CBR4: variants seen among roughly 807,000 people sequenced by gnomAD.
CBR4 encodes the protein 3-oxoacyl-[acyl-carrier-protein] reductase.
CBR4 carries 22 observed loss-of-function variants against 21.0 expected under a neutral mutation model. The ratio of observed to expected loss-of-function variants is 1.05; its 90% CI spans 0.75 to 1.50. CBR4 has a LOEUF of 1.50. Ranked by LOEUF, CBR4 falls within the 40% of genes most tolerant of loss-of-function variation. The probability of loss-of-function intolerance (pLI) is 0.00; values close to 1 mark genes in which losing one functional copy is unlikely to be tolerated. For synonymous variants in CBR4, 100 were observed against 104.4 expected (o/e 0.96, Z 0.26); for missense variants, 302 against 286.3 (o/e 1.05, Z -0.40).
Position 168,987,623 on chromosome 4 carries a change from T to C in CBR4, c.*2527A>G. ...CATTAAATACTTTATTTAAGAACAG[T>C]TTGTTTACCAAGTTAGGACAGTGGT... is the stretch of plus-strand genomic sequence containing the variant. On this transcript the variant is annotated 3_prime_UTR_variant, in exon 5 of 5. Transcript: ENST00000306193. The C allele has an allele frequency of 1.1e-6, 1 of 941,030 alleles. No homozygotes were observed. The highest frequency in any genetic ancestry group is 6.2e-5 in the Admixed American group (1 of 16,222). The allele number at this position is 941,030 out of a possible 1,614,324, so 58.3% of individuals were successfully genotyped here. A position where few individuals can be genotyped will look rare whatever the true frequency, so the allele number is the denominator to read the frequency against.
In CBR4 at chr4:168,989,606, A is replaced by C; in HGVS notation, c.*544T>G. ...TAATCAGTGTCCTCTAAATACTCTT[A>C]TTTTGGCAACAGCCCACAAGGTTAA... On this transcript the variant is annotated 3_prime_UTR_variant, in exon 5 of 5. Transcript: ENST00000306193. 1 of 985,324 alleles carries C rather than the reference A, an allele frequency of 1.0e-6. No individual in the cohort carries two copies. Among genetic ancestry groups the C allele is most frequent in the Non-Finnish European group, 1.2e-6 (1 of 829,808 alleles). 61.0% of individuals were successfully genotyped at this position (985,324 alleles called of 1,614,324 possible). A position where few individuals can be genotyped will look rare whatever the true frequency, so the allele number is the denominator to read the frequency against.
chr4:168,932,152 A>C (rs947674423), intron 2 of CBR4, among the ~76,000 whole-genome samples: 1 of 152,184 alleles, frequency 6.6e-6, no homozygotes, highest in Non-Finnish European at 1.5e-5. Flanking sequence ...ATCTTAAGGA[A>C]GCTCAGTGAG....
chr4:168,988,207 C>A lies in CBR4; in HGVS notation c.*1943G>T. 1 of 985,350 alleles carries A rather than the reference C, an allele frequency of 1.0e-6. No individual in the cohort carries two copies. The highest frequency in any genetic ancestry group is 1.7e-5 in the African/African-American group (1 of 57,332). The allele number at this position is 985,350 out of a possible 1,614,324, so 61.0% of individuals were successfully genotyped here. A position where few individuals can be genotyped will look rare whatever the true frequency, so the allele number is the denominator to read the frequency against. On this transcript the variant is annotated 3_prime_UTR_variant, in exon 5 of 5. Coordinates refer to ENST00000306193, the MANE Select transcript of CBR4 (RefSeq NM_032783.5). ...GTGGGCGGATTCACCTGGAGTGGAGCAGTGAAGGTTTATTTTACCTCTTTC... is the reference window on the plus strand; with the variant it reads ...GTGGGCGGATTCACCTGGAGTGGAGAAGTGAAGGTTTATTTTACCTCTTTC...
intron 2 of CBR4, among the ~76,000 whole-genome samples, chr4:168,974,520 T>C (rs1488850329): frequency 6.6e-6 from 1 of 152,164 alleles, no homozygotes; most frequent in African/African-American, 2.4e-5. Flanking sequence ...CTTTTAGATT[T>C]CTCTTATTCC....
intron 2 of CBR4, among the ~76,000 whole-genome samples, chr4:168,949,951 A>G (rs1763494626): frequency 6.6e-6 from 1 of 152,032 alleles, no homozygotes; most frequent in Non-Finnish European, 1.5e-5. Context: ...CCGTGTTGTC[A>G]GTTGTAATAT....
intron 2 of CBR4, chr4:168,896,613 C>G (rs1236061507): frequency 7.1e-7 from 1 of 1,415,208 alleles, no homozygotes; most frequent in Non-Finnish European, 9.6e-7. Flanking sequence ...AAGCTTTTCA[C>G]CTTTCTTCTC....
chr4:168,966,787 G>A (rs1764050779), intron 2 of CBR4, among the ~76,000 whole-genome samples: 1 of 152,162 alleles, frequency 6.6e-6, no homozygotes, highest in Non-Finnish European at 1.5e-5. Flanking sequence ...GGGAGGCCGA[G>A]GCGGGCGGAT....
At chr4:168,926,986 A>C (rs1762652851) in intron 2 of CBR4, 1 of 219,664 alleles carries the variant, frequency 4.6e-6, no homozygotes, top group Non-Finnish European at 9.2e-6. Flanking sequence ...CAAGGTTAAT[A>C]CCTTAGTTCT....
In CBR4 at chr4:168,962,491, A is replaced by G. The variant is rs188541204; in HGVS notation, n.169+39580T>C. Among the ~76,000 whole-genome samples, 11 of 152,342 alleles carry G rather than the reference A, an allele frequency of 7.2e-5. No homozygotes were observed. The East Asian group carries it at 2.1e-3, about 29-fold the overall frequency. ...TGGAAGAGAAGAAAGACTTGAGGATAATACTCAGGTCTCTGGCTTGATCCA... is the reference window on the plus strand; with the variant it reads ...TGGAAGAGAAGAAAGACTTGAGGATGATACTCAGGTCTCTGGCTTGATCCA... On this transcript the variant is annotated intron_variant and non_coding_transcript_variant, in intron 2 of 3. Transcript: ENST00000509108.
intron 2 of CBR4, among the ~76,000 whole-genome samples, chr4:168,957,799 G>A (rs749021091): frequency 6.6e-6 from 1 of 152,120 alleles, no homozygotes; most frequent in Non-Finnish European, 1.5e-5. Context: ...CCCACATGTC[G>A]TGGAAGGGAC....
intron 2 of CBR4, among the ~76,000 whole-genome samples, chr4:168,907,849 A>AG (rs1279759240): frequency 2.0e-5 from 3 of 152,154 alleles, no homozygotes; most frequent in Non-Finnish European, 4.4e-5. Flanking sequence ...AGAAAAAAAA[A>AG]AGATTCAAAG....
intron 2 of CBR4, among the ~76,000 whole-genome samples, chr4:168,925,702 A>AATT (rs780588566): frequency 9.2e-5 from 14 of 152,176 alleles, no homozygotes; most frequent in Non-Finnish European, 1.8e-4. Flanking sequence ...ACTAGAAAAA[A>AATT]ATTAAGAATT....
At chr4:168,908,491 G>T (rs983727806) in intron 2 of CBR4, among the ~76,000 whole-genome samples, 1 of 151,834 alleles carries the variant, frequency 6.6e-6, no homozygotes, top group African/African-American at 2.4e-5. Flanking sequence ...GTCATAAAAG[G>T]TGGTGAAAAA....
chr4:168,898,421 G>T (rs1755730714), intron 2 of CBR4: 2 of 935,976 alleles, frequency 2.1e-6, no homozygotes, highest in Admixed American at 1.7e-5. Context: ...GGGCCTTATT[G>T]GGGGGCAGGG....
chr4:168,926,217 G>T lies in CBR4; in HGVS notation n.170-31452C>A, dbSNP rs950069781. The T allele has an allele frequency of 1.3e-6, 2 of 1,530,048 alleles. No individual in the cohort carries two copies. Among genetic ancestry groups the T allele is most frequent in the Middle Eastern group, 1.7e-4 (1 of 5,946 alleles). 94.8% of individuals were successfully genotyped at this position (1,530,048 alleles called of 1,614,324 possible). A position where few individuals can be genotyped will look rare whatever the true frequency, so the allele number is the denominator to read the frequency against. On this transcript the variant is annotated intron_variant and non_coding_transcript_variant, in intron 2 of 3. Coordinates refer to the CBR4 transcript ENST00000509108. ...ATTTACTCTTTTTCTTTGTAGCCCA[G>T]TGGCATCAGCAGTCACAGAGCACCA... is the stretch of plus-strand genomic sequence containing the variant.
intron 2 of CBR4, among the ~76,000 whole-genome samples, chr4:168,928,975 G>C (rs1002713320): frequency 4.6e-5 from 7 of 152,020 alleles, no homozygotes; most frequent in African/African-American, 1.7e-4. Flanking sequence ...CATTTGATTG[G>C]AATAACTGAG....
At chr4:168,897,983 T>C (rs866860755) in intron 2 of CBR4, 21 of 152,924 alleles carry the variant, frequency 1.4e-4, no homozygotes, top group African/African-American at 5.1e-4. Context: ...TTTTCTATTA[T>C]TCTTTTACTA....
intron 2 of CBR4, among the ~76,000 whole-genome samples, chr4:168,943,858 C>A (rs144212707): frequency 2.0e-5 from 3 of 151,888 alleles, no homozygotes; most frequent in Admixed American, 6.6e-5. Context: ...TGCAGTGAGC[C>A]GAGACGGAGC....
chr4:168,937,775 T>G (rs1763154543), intron 2 of CBR4, among the ~76,000 whole-genome samples: 1 of 152,158 alleles, frequency 6.6e-6, no homozygotes, highest in African/African-American at 2.4e-5. Flanking sequence ...ATCCTAAATA[T>G]ATATGCACCC....
Sources: gnomAD v4.1 joint callset for allele counts (sites outside exome capture counted in the v4.1 genomes callset) on GRCh38, gnomAD v4.1.1 for gene constraint, MANE v1.5 for transcripts, NCBI Gene and HGNC (gene_info 2026-07-23, HGNC 2026-07-21) for gene names.